The following P2RX7 variants were observed in gnomAD, a reference collection of about 807,000 sequenced individuals.
P2RX7 encodes the protein purinergic receptor P2X 7.
A neutral mutation model predicts 71.6 loss-of-function variants in P2RX7; 62 were observed. The ratio of observed to expected loss-of-function variants is 0.87; its 90% CI spans 0.71 to 1.07. P2RX7 has a LOEUF of 1.07. Ranked by LOEUF, P2RX7 falls within the 50% of genes least tolerant of loss-of-function variation. The pLI is 0.00. For missense variants in P2RX7, 686 were observed against 748.5 expected (o/e 0.92, Z 0.97); for synonymous variants, 299 against 283.3 (o/e 1.06, Z -0.56).
intron 2 of P2RX7, 92 bp downstream of exon 2, chr12:121,155,045 G>A: frequency 5.8e-6 from 9 of 1,549,954 alleles, no homozygotes; most frequent in Admixed American, 2.0e-5. Flanking sequence ...CCTCACTCCA[G>A]AAAAAACGCT....
At chr12:121,136,712 T>C (rs1014486361) in intron 1 of P2RX7, among the ~76,000 whole-genome samples, 4 of 149,446 alleles carry the variant, frequency 2.7e-5, no homozygotes, top group African/African-American at 9.9e-5. Flanking sequence ...AGTGGTGTGA[T>C]CTCAGCTCAC....
intron 1 of P2RX7, among the ~76,000 whole-genome samples, chr12:121,146,160 C>A (rs1876138522): frequency 6.6e-6 from 1 of 152,034 alleles, no homozygotes; most frequent in South Asian, 2.1e-4. Context: ...CACGCTGCTA[C>A]TATGTCTGTC....
rs759231224 is a variant in P2RX7 at position 121,180,455 on chromosome 12, A to C, written c.1290A>C (p.Pro430=). ...SLQDVKGQEV[P]RPAMDFTDLS... Reference sequence around the variant, plus strand: ...AAGATGTCAAGGGCCAAGAAGTCCCAGTAAGTTAAATCATTTTGTCTTTTT... The same window carrying C: ...AAGATGTCAAGGGCCAAGAAGTCCCCGTAAGTTAAATCATTTTGTCTTTTT... Residue 430 remains proline, a splice_region_variant and synonymous_variant, in exon 12 of 13, where the codon CCA becomes CCC. Coordinates refer to ENST00000328963, the MANE Select transcript of P2RX7 (RefSeq NM_002562.6). The C allele has an allele frequency of 2.0e-5, 30 of 1,506,122 alleles. No individual in the cohort carries two copies. In the East Asian group the frequency reaches 5.0e-4, roughly 25 times the overall value. 93.3% of individuals were successfully genotyped at this position (1,506,122 alleles called of 1,614,324 possible).
At chr12:121,170,939 C>G (rs1399872772) in intron 8 of P2RX7, among the ~76,000 whole-genome samples, 1 of 152,120 alleles carries the variant, frequency 6.6e-6, no homozygotes, top group East Asian at 1.9e-4. Flanking sequence ...GATCACATTA[C>G]AGAATTCTGT....
rs139401556 is a variant in P2RX7 at position 121,148,621 on chromosome 12, G to T, written c.126-6164G>T. On this transcript the variant is annotated intron_variant, in intron 1 of 12. Transcript: ENST00000328963. ...TGCAAAAGAATAAATTAGTGTTGTT[G>T]AAAGCCACTAAGTTTGTGGTAATTT... 1.2e-3 allele frequency among the ~76,000 whole-genome samples: 178 copies of T among 152,284 alleles called. 1 individual carries two copies. Among genetic ancestry groups the T allele is most frequent in the African/African-American group, 4.1e-3 (169 of 41,570 alleles).
chr12:121,166,218 G>C, intron 7 of P2RX7, 31 bp downstream of exon 7: 1 of 1,604,880 alleles, frequency 6.2e-7, no homozygotes, highest in Non-Finnish European at 8.5e-7. Flanking sequence ...TGGGATGTGG[G>C]GCTGTGTGTC....
intron 3 of P2RX7, among the ~76,000 whole-genome samples, chr12:121,160,592 G>A (rs1050178156): frequency 1.3e-5 from 2 of 152,096 alleles, no homozygotes; most frequent in African/African-American, 2.4e-5. Flanking sequence ...AAATAGAATT[G>A]TATATGGTGT....
At chr12:121,140,431 G>A (rs190323658) in intron 1 of P2RX7, among the ~76,000 whole-genome samples, 31 of 152,292 alleles carry the variant, frequency 2.0e-4, no homozygotes, top group Non-Finnish European at 3.7e-4. Context: ...CATAGAGTGT[G>A]GTGGGACAAG....
chr12:121,153,278 C>T (rs750165511), intron 1 of P2RX7, among the ~76,000 whole-genome samples: 9 of 152,188 alleles, frequency 5.9e-5, no homozygotes, highest in Non-Finnish European at 1.2e-4. Context: ...AAGGTCAGCT[C>T]ATAGAGGGCA....
In P2RX7 at chr12:121,155,199, A is replaced by G. The variant is rs117509023; in HGVS notation, c.294+246A>G. 2.5e-3 allele frequency: 3,622 copies of G among 1,464,060 alleles called. 4 individuals carry two copies. The highest frequency in any genetic ancestry group is 3.0e-3 in the Non-Finnish European group (3,260 of 1,101,058). 90.7% of individuals were successfully genotyped at this position (1,464,060 alleles called of 1,614,324 possible). On this transcript the variant is annotated intron_variant, in intron 2 of 12. Coordinates refer to ENST00000328963, the MANE Select transcript of P2RX7 (RefSeq NM_002562.6). ...AGCCTCATGTCCTGGTGCATTGAAAACAGGATTTGATTCACTCGCGCTTGA... is the reference window on the plus strand; with the variant it reads ...AGCCTCATGTCCTGGTGCATTGAAAGCAGGATTTGATTCACTCGCGCTTGA...
At chr12:121,160,383 G>A (rs1879429540) in intron 3 of P2RX7, among the ~76,000 whole-genome samples, 1 of 152,140 alleles carries the variant, frequency 6.6e-6, no homozygotes, top group Non-Finnish European at 1.5e-5. Context: ...CTGACCTCAG[G>A]TGATCTGCCC....
Position 121,186,165 on chromosome 12 carries a change from T to A in P2RX7, c.*1363T>A, listed in dbSNP as rs528892692. 5.9e-5 allele frequency: 9 copies of A among 152,454 alleles called. No individual in the cohort carries two copies. In the East Asian group the frequency reaches 1.7e-3, roughly 29 times the overall value. The allele number at this position is 152,454 out of a possible 1,614,324, so 9.4% of individuals were successfully genotyped here. ...CTGACCAGCCCCAGCTTTCAAGCCA[T>A]CCAAGCCCAGTCACCAAACATGAGA... On this transcript the variant is annotated 3_prime_UTR_variant, in exon 13 of 13. Coordinates refer to ENST00000328963, the MANE Select transcript of P2RX7 (RefSeq NM_002562.6).
At chr12:121,161,248 G>A (rs1565955381) in intron 4 of P2RX7, among the ~76,000 whole-genome samples, 1 of 152,202 alleles carries the variant, frequency 6.6e-6, no homozygotes, top group Non-Finnish European at 1.5e-5. Flanking sequence ...ATGGCCTATA[G>A]CATCATCTGA....
At chr12:121,165,333 C>T (rs1485340573) in intron 5 of P2RX7, 24 bp from the exon 6 acceptor site, 1 of 1,600,034 alleles carries the variant, frequency 6.2e-7, no homozygotes, top group Non-Finnish European at 8.6e-7. Flanking sequence ...TCACTAATGG[C>T]CATTTTGCAT....
At position 121,184,407 on chromosome 12, in the gene P2RX7, G is replaced by A. The variant is rs769375378; in HGVS notation, c.1393G>A (p.Glu465Lys). ...QPEEIQLLRK[E>K]ATPRSRDSPV... is the part of the protein sequence containing the mutation. ...AGAGGAGATACAGCTGCTTAGAAAG[G>A]AGGCGACTCCTAGATCCAGGGATAG... The change falls in exon 13 of 13, where the codon GAG becomes AAG. Residue 465 changes from glutamate (E) to lysine (K), a missense_variant. Coordinates refer to ENST00000328963, the MANE Select transcript of P2RX7 (RefSeq NM_002562.6). 1 of 1,614,148 alleles carries A rather than the reference G, an allele frequency of 6.2e-7. No homozygotes were observed. The highest frequency in any genetic ancestry group is 1.1e-5 in the South Asian group (1 of 91,078).
At chr12:121,176,361 T>C (rs1883123175) in intron 9 of P2RX7, among the ~76,000 whole-genome samples, 1 of 152,046 alleles carries the variant, frequency 6.6e-6, no homozygotes. Flanking sequence ...TCCCACGACA[T>C]CCTGTCCAAG....
At chr12:121,147,769 G>A (rs540587424) in intron 1 of P2RX7, among the ~76,000 whole-genome samples, 4 of 151,808 alleles carry the variant, frequency 2.6e-5, no homozygotes, top group South Asian at 2.1e-4. Flanking sequence ...GCACCACCAC[G>A]CCCAGCTAAT....
intron 1 of P2RX7, among the ~76,000 whole-genome samples, chr12:121,138,430 T>C (rs1874149750): frequency 6.6e-6 from 1 of 152,238 alleles, no homozygotes; most frequent in African/African-American, 2.4e-5. Flanking sequence ...TACAGATCCA[T>C]CCCTGAACCA....
In P2RX7 at chr12:121,180,475, C is replaced by CTTT; in HGVS notation, c.1290+32_1290+34dup. The CTTT allele has an allele frequency of 2.8e-5, 28 of 1,009,432 alleles. No homozygotes were observed. The highest frequency in any genetic ancestry group is 4.8e-5 in the South Asian group (3 of 62,160). The allele number at this position is 1,009,432 out of a possible 1,614,324, so 62.5% of individuals were successfully genotyped here. ...GTCCCAGTAAGTTAAATCATTTTGT[C>CTTT]TTTTTTTTTTTTTTAAGAAAATTTA... On this transcript the variant is annotated intron_variant, in intron 12 of 12. Transcript: ENST00000328963.
Sources: allele counts gnomAD v4.1 joint callset (sites outside exome capture counted in the v4.1 genomes callset), GRCh38; gene constraint gnomAD v4.1.1; transcripts MANE v1.5; gene names NCBI Gene and HGNC (gene_info 2026-07-23, HGNC 2026-07-21).